SYTL4: variants seen among roughly 807,000 people sequenced by gnomAD.
SYTL4 encodes synaptotagmin-like protein 4.
Under a neutral mutation model 52.7 loss-of-function variants are expected in SYTL4, and 16 were observed. That is an observed-to-expected ratio of 0.30 (90% confidence interval 0.21 to 0.46). SYTL4 has a LOEUF of 0.46. Ranked by LOEUF, SYTL4 falls within the 20% of genes least tolerant of loss-of-function variation. The pLI, the probability that SYTL4 is intolerant of heterozygous loss-of-function variation, is 1.00. For synonymous variants in SYTL4, 160 were observed against 186.6 expected (o/e 0.86, Z 1.16); for missense variants, 423 against 519.9 (o/e 0.81, Z 1.81).
intron 2 of SYTL4, among the ~76,000 whole-genome samples, chrX:100,721,916 C>T (rs1162285081): frequency 1.8e-4 from 20 of 110,604 alleles, no homozygotes; most frequent in African/African-American, 6.6e-4. Flanking sequence ...ATTCTCCTGC[C>T]TCAGCCTCCC....
At chrX:100,682,405 G>GGA (rs2083391044) in intron 16 of SYTL4, among the ~76,000 whole-genome samples, 1 of 102,511 alleles carries the variant, frequency 9.8e-6, no homozygotes, top group African/African-American at 3.5e-5. Flanking sequence ...GCTTGCAGGG[G>GGA]AAAAAAAAAA....
chrX:100,723,907 C>T (rs1489822740), intron 2 of SYTL4, among the ~76,000 whole-genome samples: 20 of 103,895 alleles, frequency 1.9e-4, no homozygotes, highest in Non-Finnish European at 2.4e-4. Context: ...CCACCCTGTC[C>T]GGGAGGGAGG....
intron 2 of SYTL4, among the ~76,000 whole-genome samples, chrX:100,707,520 C>T (rs1471149645): frequency 9.0e-6 from 1 of 111,565 alleles, no homozygotes; most frequent in African/African-American, 3.3e-5. Context: ...AAAAATACAG[C>T]TTTCATATGC....
chrX:100,691,774 G>A (rs937802743), intron 8 of SYTL4, among the ~76,000 whole-genome samples: 4 of 111,397 alleles, frequency 3.6e-5, no homozygotes, highest in Non-Finnish European at 7.5e-5. Context: ...TCCTGACCTC[G>A]TGATCCGCCT....
chrX:100,724,264 G>A (rs2084452264), intron 2 of SYTL4, among the ~76,000 whole-genome samples: 1 of 104,282 alleles, frequency 9.6e-6, no homozygotes, highest in African/African-American at 3.6e-5. Flanking sequence ...TCAGCGCCCC[G>A]CCCGGCCAGC....
chrX:100,690,740 C>T (rs912956374), intron 9 of SYTL4, 102 bp from the exon 10 acceptor site: 4 of 578,380 alleles, frequency 6.9e-6, no homozygotes, highest in Admixed American at 3.7e-5. Flanking sequence ...CTTGGGTCAT[C>T]GTAATAACCA....
At chrX:100,690,525 G>T (rs767163158) in intron 10 of SYTL4, 38 bp downstream of exon 10, 5 of 1,102,059 alleles carry the variant, frequency 4.5e-6, no homozygotes, top group Non-Finnish European at 6.2e-6. Context: ...AGGGAAGGAA[G>T]GGAGGGGAGG....
intron 8 of SYTL4, among the ~76,000 whole-genome samples, chrX:100,692,961 GTC>G (rs1003831578): frequency 4.5e-5 from 5 of 111,651 alleles, no homozygotes; most frequent in African/African-American, 6.5e-5. Flanking sequence ...TTGAGATGGA[GTC>G]TCTGTCACCC....
intron 8 of SYTL4, among the ~76,000 whole-genome samples, chrX:100,694,893 T>TA (rs1270179883): frequency 8.9e-6 from 1 of 112,038 alleles, no homozygotes; most frequent in Non-Finnish European, 1.9e-5. Flanking sequence ...GCTGAAATCC[T>TA]AGTACTTACA....
At chrX:100,715,168 A>C (rs1436397250) in intron 2 of SYTL4, among the ~76,000 whole-genome samples, 2 of 110,857 alleles carry the variant, frequency 1.8e-5, no homozygotes, top group Non-Finnish European at 3.8e-5. Flanking sequence ...TTGCAGGCAC[A>C]AGCCACCACA....
chrX:100,706,432 C>A (rs1416773455), intron 2 of SYTL4, among the ~76,000 whole-genome samples: 1 of 112,538 alleles, frequency 8.9e-6, no homozygotes, highest in Admixed American at 9.4e-5. Context: ...CCATATCCCA[C>A]CCCAAGCCCC....
At chrX:100,724,379 G>A (rs968276744) in intron 2 of SYTL4, among the ~76,000 whole-genome samples, 6 of 104,901 alleles carry the variant, frequency 5.7e-5, no homozygotes, top group Admixed American at 5.0e-4. Flanking sequence ...GTACCCAACA[G>A]CTCATTGAGA....
In SYTL4 at chrX:100,678,592, G is replaced by T; in HGVS notation, c.1666C>A (p.Leu556Ile). 1 of 1,208,209 alleles carries T rather than the reference G, an allele frequency of 8.3e-7. No individual in the cohort carries two copies. Among genetic ancestry groups the T allele is most frequent in the Non-Finnish European group, 1.1e-6 (1 of 892,348 alleles). ...TTACTGGCCTTGTTCCTCATGGGAA[G>T]GAGGTATCTGGCAGAGGGCGGGGAG... Reference protein sequence around the residue: ...TSDSFVKGYLLPMRNKASKRK... With the variant: ...TSDSFVKGYLIPMRNKASKRK... Residue 556 changes from leucine (L) to isoleucine (I), a missense_variant, in exon 19 of 20, where the codon CTT becomes ATT. Coordinates refer to ENST00000372989, the MANE Select transcript of SYTL4 (RefSeq NM_001370165.1).
intron 2 of SYTL4, among the ~76,000 whole-genome samples, chrX:100,723,978 C>T (rs1265934328): frequency 1.0e-5 from 1 of 96,687 alleles, no homozygotes; most frequent in Non-Finnish European, 2.1e-5. Context: ...GGGGGTCAGC[C>T]CCCCGCCCGG....
chrX:100,711,900 A>ATT (rs1258055811), intron 2 of SYTL4, among the ~76,000 whole-genome samples: 1 of 110,784 alleles, frequency 9.0e-6, no homozygotes, highest in Non-Finnish European at 1.9e-5. Flanking sequence ...GGAAGGACAC[A>ATT]TTATATATAT....
chrX:100,686,586 G>C (rs1452168582), intron 15 of SYTL4, 93 bp downstream of exon 15: 1 of 612,587 alleles, frequency 1.6e-6, no homozygotes, highest in Non-Finnish European at 2.6e-6. Context: ...GCCCACTGAA[G>C]CCCGTGTCAC....
Position 100,687,060 on chromosome X carries a change from C to G in SYTL4, c.1184+7G>C, listed in dbSNP as rs145670644. Reference sequence around the variant, plus strand: ...CAGAGCATCAGTCAGGTTCCAGAAGCACTCACGGGTTAGAGCGCTTCTTGG... The same window carrying G: ...CAGAGCATCAGTCAGGTTCCAGAAGGACTCACGGGTTAGAGCGCTTCTTGG... On this transcript the variant is annotated splice_region_variant and intron_variant, in intron 14 of 19. Transcript: ENST00000372989. The G allele has an allele frequency of 4.5e-4, 538 of 1,206,332 alleles. 3 individuals are homozygous for G. The African/African-American group carries it at 8.1e-3, about 18-fold the overall frequency.
intron 2 of SYTL4, among the ~76,000 whole-genome samples, chrX:100,716,834 G>A (rs2084236797): frequency 9.0e-6 from 1 of 111,461 alleles, no homozygotes; most frequent in Admixed American, 9.6e-5. Context: ...AACTGTCTTA[G>A]ATACCTATTC....
At chrX:100,728,783 A>G (rs761131527) in intron 2 of SYTL4, among the ~76,000 whole-genome samples, 173 of 111,812 alleles carry the variant, frequency 1.5e-3, no homozygotes, top group African/African-American at 5.1e-3. Flanking sequence ...CACGCCTGTA[A>G]TCCCAGCACT....
Sources: gnomAD v4.1 joint callset for allele counts (sites outside exome capture counted in the v4.1 genomes callset) on GRCh38, gnomAD v4.1.1 for gene constraint, MANE v1.5 for transcripts, NCBI Gene and HGNC (gene_info 2026-07-23, HGNC 2026-07-21) for gene names.